The following SETD2 variants were observed in gnomAD, a reference collection of about 807,000 sequenced individuals.
The protein encoded by SETD2 is SET domain containing 2, histone lysine methyltransferase, also known as histone-lysine N-methyltransferase SETD2.
SETD2 carries 31 observed loss-of-function variants against 242.1 expected under a neutral mutation model. The ratio of observed to expected loss-of-function variants is 0.13; its 90% CI spans 0.10 to 0.17. The LOEUF (loss-of-function observed/expected upper bound fraction) is 0.17, where lower values mean the gene tolerates loss of function less well. SETD2 is among the 10% of genes least tolerant of loss of function. The pLI is 1.00. For missense variants in SETD2, 2,481 were observed against 3,046.3 expected, an observed-to-expected ratio of 0.81 and a Z score of 4.37; for synonymous variants, 1,006 against 1,066.5, an observed-to-expected ratio of 0.94 and a Z score of 1.11.
intron 1 of SETD2, among the ~76,000 whole-genome samples, chr3:47,150,259 C>T (rs1357248954): frequency 1.3e-5 from 2 of 151,798 alleles, no homozygotes; most frequent in Non-Finnish European, 2.9e-5. Context: ...AGGATGGTCT[C>T]GATCTCCTGA....
Position 47,017,302 on chromosome 3 carries a change from A to G in SETD2, c.7534-48T>C, listed in dbSNP as rs2107486276. 1 of 1,604,258 alleles carries G rather than the reference A, an allele frequency of 6.2e-7. No homozygotes were observed. Among genetic ancestry groups the G allele is most frequent in the Admixed American group, 1.7e-5 (1 of 59,492 alleles). On this transcript the variant is annotated intron_variant, in intron 20 of 20. Transcript: ENST00000409792. The surrounding 1 kb of genome is among the most constrained non-coding windows in gnomAD (Gnocchi z 4.8). ...GACCACAGCCACCAATCAGAGCAGAAATTATATGAGGGGGAGGACAGGGGT... is the reference window on the plus strand; with the variant it reads ...GACCACAGCCACCAATCAGAGCAGAGATTATATGAGGGGGAGGACAGGGGT...
chr3:47,149,508 G>A (rs1200409918), intron 1 of SETD2, among the ~76,000 whole-genome samples: 1 of 152,150 alleles, frequency 6.6e-6, no homozygotes, highest in Non-Finnish European at 1.5e-5. Flanking sequence ...AAAACTGAAG[G>A]GGAAATGGGC....
intron 4 of SETD2, 92 bp from the exon 5 acceptor site, chr3:47,114,096 A>T (rs2107720906): frequency 7.8e-7 from 1 of 1,285,746 alleles, no homozygotes; most frequent in Non-Finnish European, 1.1e-6. Context: ...CTACATATAT[A>T]CATACTTTTA....
chr3:47,138,791 C>T (rs187957758), intron 1 of SETD2, among the ~76,000 whole-genome samples: 119 of 152,206 alleles, frequency 7.8e-4, no homozygotes, highest in Middle Eastern at 6.8e-3. Context: ...GTCTCAAATT[C>T]CTGGTCTCAA....
chr3:47,079,930 A>G (rs1475547651), intron 12 of SETD2, among the ~76,000 whole-genome samples: 1 of 152,218 alleles, frequency 6.6e-6, no homozygotes, highest in African/African-American at 2.4e-5. Context: ...TTTAGGGGCA[A>G]TTCTAATTTT....
chr3:47,111,460 C>T (rs2042649206), intron 5 of SETD2, among the ~76,000 whole-genome samples: 1 of 152,130 alleles, frequency 6.6e-6, no homozygotes, highest in East Asian at 1.9e-4. Context: ...GTCTCAGCTA[C>T]TCAGAAGGCT....
chr3:47,034,069 T>C (rs1391370154), intron 18 of SETD2, among the ~76,000 whole-genome samples: 3 of 152,216 alleles, frequency 2.0e-5, no homozygotes, highest in Non-Finnish European at 2.9e-5. Flanking sequence ...TTATTCTTTT[T>C]GGGAGAGAAG....
At chr3:47,145,648 G>C (rs1279568445) in intron 1 of SETD2, 1 of 269,560 alleles carries the variant, frequency 3.7e-6, no homozygotes, top group Admixed American at 3.8e-5. Context: ...TTAACTTTTG[G>C]AGCATTTCAG....
At chr3:47,068,493 C>CTTTTTTTT (rs573954456) in intron 12 of SETD2, among the ~76,000 whole-genome samples, 1 of 108,716 alleles carries the variant, frequency 9.2e-6, no homozygotes, top group East Asian at 2.6e-4. Context: ...AATACACTAT[C>CTTTTTTTT]TTTTTTTTTT....
intron 16 of SETD2, among the ~76,000 whole-genome samples, chr3:47,042,902 T>C (rs1225530892): frequency 6.6e-6 from 1 of 152,098 alleles, no homozygotes; most frequent in Admixed American, 6.6e-5. Flanking sequence ...CAGTTGGCTC[T>C]AAGTTTACCA....
intron 17 of SETD2, among the ~76,000 whole-genome samples, chr3:47,039,208 A>G (rs2039160835): frequency 6.6e-6 from 1 of 151,830 alleles, no homozygotes; most frequent in East Asian, 1.9e-4. Flanking sequence ...AATAAGAAAT[A>G]CAAACTTTTT....
rs79353911 is a variant in SETD2, at chr3:47,132,096, G to A, written c.72-5433C>T. ...TGGCCTAGTTTGCATATTCTTATTC[G>A]AAAACTTTGTGTGCATATATGAACA... is the stretch of plus-strand genomic sequence containing the variant. On this transcript the variant is annotated intron_variant, in intron 1 of 20. Coordinates refer to ENST00000409792, the MANE Select transcript of SETD2 (RefSeq NM_014159.7). Among the ~76,000 whole-genome samples, 282 of 150,526 alleles carry A rather than the reference G, an allele frequency of 1.9e-3. 2 individuals are homozygous for A. The highest frequency in any genetic ancestry group is 6.6e-3 in the African/African-American group (270 of 40,952).
At position 47,124,390 on chromosome 3, in the gene SETD2, T is replaced by C; in HGVS notation, c.246A>G (p.Lys82=). Residue 82 remains lysine (K), a synonymous_variant, in exon 3 of 21, where the codon AAA becomes AAG. Coordinates refer to ENST00000409792, the MANE Select transcript of SETD2 (RefSeq NM_014159.7). ...CAGTGAGAAACCTATTCTGCAAAGT[T>C]TTCTTTGTAAGGCTGAAGCTGAATG... ...KVSFSFSLTK[K]TLQNRFLTAL... is the part of the protein sequence containing the mutation. The C allele has an allele frequency of 1.3e-6, 2 of 1,552,016 alleles. No individual in the cohort carries two copies. The highest frequency in any genetic ancestry group is 1.2e-5 in the South Asian group (1 of 84,068).
intron 15 of SETD2, among the ~76,000 whole-genome samples, chr3:47,049,045 G>C (rs1470210683): frequency 6.6e-6 from 1 of 151,006 alleles, no homozygotes; most frequent in South Asian, 2.1e-4. Flanking sequence ...CTGTAGCCTT[G>C]AACTCCTGGA....
At chr3:47,020,376 G>T (rs1022368464) in intron 18 of SETD2, among the ~76,000 whole-genome samples, 1 of 152,148 alleles carries the variant, frequency 6.6e-6, no homozygotes, top group African/African-American at 2.4e-5. Flanking sequence ...GATTAAGGAA[G>T]TATCACGATA....
In SETD2 at chr3:47,084,234, G is replaced by A. The variant is rs2041448318; in HGVS notation, c.5546C>T (p.Ser1849Leu). The A allele has an allele frequency of 3.7e-6, 6 of 1,614,036 alleles. No individual in the cohort carries two copies. Among genetic ancestry groups the A allele is most frequent in the South Asian group, 1.1e-5 (1 of 91,084 alleles). ...TGTGTTGAGTGGTGTATGAGCACGC[G>A]ATGTATTCTCACTAGAATACCCATC... The part of the protein sequence containing the change: ...EGDGYSSENT[S>L]RAHTPLNTPD... Residue 1849 changes from serine (S) to leucine (L), a missense_variant, in exon 12 of 21, where the codon TCG becomes TTG. By Grantham distance (145) the Ser-to-Leu change is moderately radical. Transcript: ENST00000409792.
intron 1 of SETD2, among the ~76,000 whole-genome samples, chr3:47,127,302 T>C (rs1335569533): frequency 6.7e-6 from 1 of 149,344 alleles, no homozygotes; most frequent in East Asian, 2.0e-4. Flanking sequence ...AGGCTGCAGG[T>C]AGCCATGATC....
intron 1 of SETD2, among the ~76,000 whole-genome samples, chr3:47,159,432 T>A (rs1697413615): frequency 6.6e-6 from 1 of 152,186 alleles, no homozygotes; most frequent in Non-Finnish European, 1.5e-5. Flanking sequence ...TTGGTTCCTC[T>A]CTCACATGTC....
rs149414987 is a variant in SETD2 at position 47,030,324 on chromosome 3, T to G, written c.7350+7342A>C. Among the ~76,000 whole-genome samples, 45 of 152,156 alleles carry G rather than the reference T, an allele frequency of 3.0e-4. No homozygotes were observed. In the East Asian group the frequency reaches 4.1e-3, roughly 14 times the overall value. On this transcript the variant is annotated intron_variant, in intron 18 of 20. Transcript: ENST00000409792. ...GAATCAATGGATGAGCTTAGCTAAT[T>G]CAATACAGCAGAAGGTAAATCAGTG...
Sources: gnomAD v4.1 joint callset for allele counts (sites outside exome capture counted in the v4.1 genomes callset) on GRCh38, gnomAD v4.1.1 for gene constraint, Gnocchi (gnomAD v3.1) non-coding constraint, MANE v1.5 for transcripts, NCBI Gene and HGNC (gene_info 2026-07-23, HGNC 2026-07-21) for gene names.